GFOD1: variants seen among roughly 807,000 people sequenced by gnomAD.
GFOD1 encodes Gfo/Idh/MocA-like oxidoreductase domain containing 1, also known as glucose-fructose oxidoreductase domain-containing protein 1.
A neutral mutation model predicts 25.4 loss-of-function variants in GFOD1; 9 were observed. The ratio of observed to expected loss-of-function variants is 0.35; its 90% CI spans 0.21 to 0.62. GFOD1 has a LOEUF of 0.62. Among genes scored for constraint, GFOD1 ranks in the 20% least tolerant of loss-of-function variants. The pLI, the probability that GFOD1 is intolerant of heterozygous loss-of-function variation, is 0.72. For missense variants in GFOD1, 403 were observed against 556.9 expected, an observed-to-expected ratio of 0.72 and a Z score of 2.78; for synonymous variants, 253 against 245.6, an observed-to-expected ratio of 1.03 and a Z score of -0.28.
chr6:13,465,141 T>A (rs1369910790), intron 1 of GFOD1, among the ~76,000 whole-genome samples: 1 of 152,082 alleles, frequency 6.6e-6, no homozygotes, highest in South Asian at 2.1e-4. Flanking sequence ...AAAGCAGGGG[T>A]GTCCAATCTT....
chr6:13,409,140 A>AGAAAGAAAGAAG (rs1222118098), intron 1 of GFOD1, among the ~76,000 whole-genome samples: 1,581 of 49,084 alleles, frequency 0.032, 307 homozygotes, highest in East Asian at 0.13. Flanking sequence ...AAAGAAAGAA[A>AGAAAGAAAGAAG]GAAAGAAAGA....
At chr6:13,438,173 T>C (rs1757862564) in intron 1 of GFOD1, among the ~76,000 whole-genome samples, 2 of 152,318 alleles carry the variant, frequency 1.3e-5, no homozygotes, top group South Asian at 4.1e-4. Flanking sequence ...TCCTCTTCCA[T>C]TCCAAAGTGA....
At chr6:13,435,099 G>T (rs1052083282) in intron 1 of GFOD1, among the ~76,000 whole-genome samples, 2 of 152,178 alleles carry the variant, frequency 1.3e-5, no homozygotes, top group Non-Finnish European at 2.9e-5. Context: ...TACAGAAGGG[G>T]GTTTGGGGAC....
Position 13,448,351 on chromosome 6 carries a change from A to C in GFOD1, c.253+38287T>G, listed in dbSNP as rs150791852. 1.3e-4 allele frequency among the ~76,000 whole-genome samples: 20 copies of C among 152,278 alleles called. No individual in the cohort carries two copies. In the East Asian group the frequency reaches 3.9e-3, roughly 29 times the overall value. On this transcript the variant is annotated intron_variant, in intron 1 of 1. Coordinates refer to ENST00000379287, the MANE Select transcript of GFOD1 (RefSeq NM_018988.4). ...GTGAGGGCTTCAGTGTTGCCCTCTC[A>C]TGCAGCCCATGGGATGTTCTGGAAG... is the stretch of plus-strand genomic sequence containing the variant.
rs1414224692 is a variant in GFOD1 at position 13,361,091 on chromosome 6, G to A, written c.*3652C>T. ...AAAATACTCTGCACACAGTGGACAA[G>A]TCTTGGAGTTGGCCAGTCTTGGAGT... On this transcript the variant is annotated 3_prime_UTR_variant, in exon 2 of 2. Coordinates refer to ENST00000379287, the MANE Select transcript of GFOD1 (RefSeq NM_018988.4). The A allele has an allele frequency of 1.7e-5, 6 of 349,114 alleles. No individual in the cohort carries two copies. The highest frequency in any genetic ancestry group is 3.4e-5 in the Non-Finnish European group (6 of 176,348). The allele number at this position is 349,114 out of a possible 1,614,324, so 21.6% of individuals were successfully genotyped here.
Position 13,436,032 on chromosome 6 carries a change from T to C in GFOD1, c.253+50606A>G, listed in dbSNP as rs117829120. On this transcript the variant is annotated intron_variant, in intron 1 of 1. Coordinates refer to ENST00000379287, the MANE Select transcript of GFOD1 (RefSeq NM_018988.4). ...ATGAAACCCAATTTGCGTTCTTGACTTCTAGAAACATTCATCTCTGTTATC... is the reference window on the plus strand; with the variant it reads ...ATGAAACCCAATTTGCGTTCTTGACCTCTAGAAACATTCATCTCTGTTATC... 1.0e-3 allele frequency among the ~76,000 whole-genome samples: 153 copies of C among 152,320 alleles called. 2 individuals are homozygous for C. In the East Asian group the frequency reaches 0.026, roughly 26 times the overall value.
chr6:13,417,499 A>G (rs1786182338), intron 1 of GFOD1, among the ~76,000 whole-genome samples: 1 of 152,222 alleles, frequency 6.6e-6, no homozygotes, highest in African/African-American at 2.4e-5. Flanking sequence ...GAACCTGACA[A>G]TTGCTAAATG....
intron 1 of GFOD1, among the ~76,000 whole-genome samples, chr6:13,459,572 C>T (rs188727244): frequency 2.6e-5 from 4 of 152,152 alleles, no homozygotes; most frequent in Non-Finnish European, 5.9e-5. Context: ...AAACAGACAA[C>T]CTACAGAATG....
rs1784925704 is a variant in GFOD1 at position 13,360,130 on chromosome 6, G to T, written c.*4613C>A. ...ATGTGAGGCAGCATGAGACTTAAGA[G>T]GCAGAAAACCTGACTTTTTGTCCTG... On this transcript the variant is annotated 3_prime_UTR_variant, in exon 2 of 2. Coordinates refer to ENST00000379287, the MANE Select transcript of GFOD1 (RefSeq NM_018988.4). 1 of 154,712 alleles carries T rather than the reference G, an allele frequency of 6.5e-6. No individual in the cohort carries two copies. The allele number at this position is 154,712 out of a possible 1,614,324, so 9.6% of individuals were successfully genotyped here.
rs1758879696 is a variant in GFOD1 at position 13,486,704 on chromosome 6, C to T, written c.187G>A (p.Asp63Asn). 3.7e-6 allele frequency: 6 copies of T among 1,614,170 alleles called. No homozygotes were observed. The highest frequency in any genetic ancestry group is 5.1e-6 in the Non-Finnish European group (6 of 1,180,014). Residue 63 changes from aspartate to asparagine, a missense_variant, in exon 1 of 2, where the codon GAC (aspartate) becomes AAC (asparagine). Coordinates refer to ENST00000379287, the MANE Select transcript of GFOD1 (RefSeq NM_018988.4). ...AGGTTAATGCACACCAAGTCCACGTCCTGATGCAGCAGCACCTCATCAATG... is the reference window on the plus strand; with the variant it reads ...AGGTTAATGCACACCAAGTCCACGTTCTGATGCAGCAGCACCTCATCAATG... ...SRIDEVLLHQ[D>N]VDLVCINLPP...
intron 1 of GFOD1, among the ~76,000 whole-genome samples, chr6:13,425,023 A>G (rs1048891250): frequency 2.7e-5 from 4 of 147,456 alleles, no homozygotes; most frequent in African/African-American, 1.0e-4. Context: ...CAGTGGTGCA[A>G]TCTAGGCTCA....
chr6:13,456,879 A>C (rs934799969), intron 1 of GFOD1, among the ~76,000 whole-genome samples: 1 of 152,180 alleles, frequency 6.6e-6, no homozygotes, highest in Non-Finnish European at 1.5e-5. Flanking sequence ...CTTTTCATAT[A>C]AGAACAAGAG....
In GFOD1 at chr6:13,359,240, T is replaced by A. The variant is rs566330384; in HGVS notation, c.*5503A>T. 1 of 152,302 alleles carries A rather than the reference T, an allele frequency of 6.6e-6. No homozygotes were observed. Among genetic ancestry groups the A allele is most frequent in the African/African-American group, 2.4e-5 (1 of 41,556 alleles). The allele number at this position is 152,302 out of a possible 1,614,324, so 9.4% of individuals were successfully genotyped here. ...ATGCCTGCCGCTGAGAAAGACATAA[T>A]AACGCTCCAGCTGCACACCCCTTTT... On this transcript the variant is annotated 3_prime_UTR_variant, in exon 2 of 2. Transcript: ENST00000379287.
At chr6:13,428,517 T>C (rs945193703) in intron 1 of GFOD1, among the ~76,000 whole-genome samples, 2 of 110,888 alleles carry the variant, frequency 1.8e-5, no homozygotes, top group African/African-American at 1.6e-4. Flanking sequence ...TGCGATGCGA[T>C]GCGCTGGCTT....
chr6:13,474,379 T>C (rs9474292), intron 1 of GFOD1, among the ~76,000 whole-genome samples: 4,781 of 152,178 alleles, frequency 0.031, 240 homozygotes, highest in African/African-American at 0.11. Flanking sequence ...AACTCCGTCT[T>C]GGGAAAAAAT....
At chr6:13,409,167 G>A (rs1448998960) in intron 1 of GFOD1, among the ~76,000 whole-genome samples, 2 of 4,348 alleles carry the variant, frequency 4.6e-4, no homozygotes, top group Non-Finnish European at 3.8e-3. Flanking sequence ...AGAAAGAAAG[G>A]AAAGAGAGAG....
chr6:13,389,521 C>A (rs1383132254), intron 1 of GFOD1, among the ~76,000 whole-genome samples: 1 of 152,058 alleles, frequency 6.6e-6, no homozygotes, highest in Non-Finnish European at 1.5e-5. Flanking sequence ...GGACAGAAAA[C>A]CAAACACCAC....
intron 1 of GFOD1, among the ~76,000 whole-genome samples, chr6:13,467,448 C>G (rs1343007871): frequency 6.6e-6 from 1 of 152,196 alleles, no homozygotes; most frequent in African/African-American, 2.4e-5. Flanking sequence ...CCACCACACA[C>G]ACAGCCCATA....
intron 1 of GFOD1, among the ~76,000 whole-genome samples, chr6:13,391,273 A>G (rs1017104284): frequency 2.6e-5 from 4 of 152,156 alleles, no homozygotes; most frequent in African/African-American, 4.8e-5. Context: ...ACAGCTATAC[A>G]TTATTTAAGA....
Sources: allele counts gnomAD v4.1 joint callset (sites outside exome capture counted in the v4.1 genomes callset), GRCh38; gene constraint gnomAD v4.1.1; transcripts MANE v1.5; gene names NCBI Gene and HGNC (gene_info 2026-07-23, HGNC 2026-07-21).